The following ZNF407 variants were observed in gnomAD, a reference collection of about 807,000 sequenced individuals.
The protein encoded by ZNF407 is zinc finger protein 407.
A neutral mutation model predicts 131.2 loss-of-function variants in ZNF407; 17 were observed. The observed-to-expected ratio is 0.13, with a 90% CI of 0.09 to 0.19. ZNF407 has a LOEUF of 0.19. Among genes scored for constraint, ZNF407 ranks in the 10% least tolerant of loss-of-function variants. The probability of loss-of-function intolerance (pLI) is 1.00; values close to 1 mark genes in which losing one functional copy is unlikely to be tolerated. For synonymous variants in ZNF407, 1,156 were observed against 1,062.0 expected, an observed-to-expected ratio of 1.09 and a Z score of -1.72; for missense variants, 2,681 against 2,830.6, an observed-to-expected ratio of 0.95 and a Z score of 1.20.
intron 8 of ZNF407, among the ~76,000 whole-genome samples, chr18:75,052,474 TC>T (rs1172692132): frequency 6.6e-6 from 1 of 152,182 alleles, no homozygotes; most frequent in African/African-American, 2.4e-5. Flanking sequence ...TCCTCCCATG[TC>T]CCTTGAAGAT....
chr18:74,656,279 C>T (rs185221718), intron 3 of ZNF407, among the ~76,000 whole-genome samples: 79 of 152,136 alleles, frequency 5.2e-4, no homozygotes, highest in Non-Finnish European at 9.1e-4. Flanking sequence ...TTTTCTAAGA[C>T]ACTAACATAT....
chr18:74,834,282 A>G (rs1970525422), intron 4 of ZNF407, among the ~76,000 whole-genome samples: 1 of 152,044 alleles, frequency 6.6e-6, no homozygotes, highest in Admixed American at 6.6e-5. Context: ...AGTTTAGGGG[A>G]AAAAATTGGC....
chr18:74,741,652 G>A (rs1968552914), intron 3 of ZNF407, among the ~76,000 whole-genome samples: 1 of 151,942 alleles, frequency 6.6e-6, no homozygotes, highest in Admixed American at 6.6e-5. Context: ...TTCTCTTTCA[G>A]TATATATATA....
chr18:74,652,116 C>CT (rs1211001995), intron 3 of ZNF407, among the ~76,000 whole-genome samples: 1 of 152,044 alleles, frequency 6.6e-6, no homozygotes, highest in East Asian at 1.9e-4. Context: ...TATAGTCCCC[C>CT]TTTTTTCTAC....
At chr18:74,720,294 G>C (rs544642247) in intron 3 of ZNF407, among the ~76,000 whole-genome samples, 6 of 151,344 alleles carry the variant, frequency 4.0e-5, no homozygotes, top group Non-Finnish European at 7.4e-5. Flanking sequence ...TCTTATATTT[G>C]GTGGCCATTC....
chr18:74,806,605 TAA>T (rs1970113816), intron 4 of ZNF407, among the ~76,000 whole-genome samples: 1 of 152,150 alleles, frequency 6.6e-6, no homozygotes, highest in Admixed American at 6.5e-5. Flanking sequence ...GTAAGGGAAA[TAA>T]AATGACAACA....
chr18:74,978,754 A>G (rs1414612686), intron 8 of ZNF407, among the ~76,000 whole-genome samples: 8 of 152,110 alleles, frequency 5.3e-5, no homozygotes, highest in African/African-American at 1.9e-4. Context: ...ATTGAAGATG[A>G]AAAACTTAAG....
At chr18:74,871,320 AATT>A (rs1169018833) in intron 4 of ZNF407, among the ~76,000 whole-genome samples, 1 of 152,158 alleles carries the variant, frequency 6.6e-6, no homozygotes, top group African/African-American at 2.4e-5. Context: ...ATAATTATTA[AATT>A]ATTATCTTGA....
At chr18:75,058,025 A>G (rs1307114599) in intron 8 of ZNF407, among the ~76,000 whole-genome samples, 1 of 152,218 alleles carries the variant, frequency 6.6e-6, no homozygotes, top group Non-Finnish European at 1.5e-5. Flanking sequence ...AAGGAGCAGC[A>G]CACACACAGA....
chr18:75,043,081 T>C (rs1973392363), intron 8 of ZNF407, among the ~76,000 whole-genome samples: 1 of 152,132 alleles, frequency 6.6e-6, no homozygotes, highest in Non-Finnish European at 1.5e-5. Flanking sequence ...TGGTGAGAAA[T>C]TGCCAACAAA....
intron 3 of ZNF407, among the ~76,000 whole-genome samples, chr18:74,669,053 C>A (rs981560622): frequency 5.3e-5 from 8 of 152,114 alleles, no homozygotes; most frequent in African/African-American, 1.9e-4. Context: ...TGAGGAGCCC[C>A]GTCATCACTG....
At chr18:74,753,369 A>G (rs1244981142) in intron 3 of ZNF407, among the ~76,000 whole-genome samples, 2 of 152,104 alleles carry the variant, frequency 1.3e-5, no homozygotes, top group African/African-American at 2.4e-5. Context: ...CTGCCTGACT[A>G]CCCTGGCCAG....
intron 7 of ZNF407, among the ~76,000 whole-genome samples, chr18:74,916,874 A>G (rs1373124227): frequency 6.6e-6 from 1 of 152,088 alleles, no homozygotes; most frequent in African/African-American, 2.4e-5. Flanking sequence ...AGCATGTGAT[A>G]ATTAGCAGTA....
intron 3 of ZNF407, among the ~76,000 whole-genome samples, chr18:74,719,577 T>C (rs917397822): frequency 4.6e-5 from 7 of 152,162 alleles, no homozygotes; most frequent in Non-Finnish European, 1.5e-5. Context: ...TTTTTTTTTG[T>C]ATTTTTTAGT....
intron 4 of ZNF407, among the ~76,000 whole-genome samples, chr18:74,818,357 G>T (rs755515125): frequency 4.6e-5 from 7 of 152,162 alleles, no homozygotes; most frequent in Non-Finnish European, 7.3e-5. Flanking sequence ...TGGACATGTG[G>T]ATAATTAGGT....
chr18:74,980,738 TAAG>T (rs1234929510), intron 8 of ZNF407, among the ~76,000 whole-genome samples: 1 of 152,172 alleles, frequency 6.6e-6, no homozygotes, highest in Non-Finnish European at 1.5e-5. Flanking sequence ...TTTTTTTACA[TAAG>T]AATATGTTGC....
In ZNF407 at chr18:74,672,420, G is replaced by C. The variant is rs532309183; in HGVS notation, c.4802+31298G>C. On this transcript the variant is annotated intron_variant, in intron 3 of 8. Transcript: ENST00000299687. ...AGCAGTGTTTGTTTGTTGGAGCACT[G>C]TTTGTCCGTTGGAGCACTGTTTGTC... Among the ~76,000 whole-genome samples, 6 of 152,170 alleles carry C rather than the reference G, an allele frequency of 3.9e-5. No individual in the cohort carries two copies. The South Asian group carries it at 8.3e-4, about 21-fold the overall frequency.
chr18:74,855,430 A>G (rs866368140), intron 4 of ZNF407, among the ~76,000 whole-genome samples: 34 of 152,356 alleles, frequency 2.2e-4, no homozygotes, highest in African/African-American at 8.2e-4. Flanking sequence ...TAACAGTAAT[A>G]ATCACAAAAG....
intron 1 of ZNF407, among the ~76,000 whole-genome samples, chr18:74,614,472 A>G (rs1983196694): frequency 1.3e-5 from 2 of 152,118 alleles, no homozygotes; most frequent in Admixed American, 1.3e-4. Context: ...TTCCTGATTC[A>G]CTTATCACTT....
Sources: gnomAD v4.1 joint callset for allele counts (sites outside exome capture counted in the v4.1 genomes callset) on GRCh38, gnomAD v4.1.1 for gene constraint, MANE v1.5 for transcripts, NCBI Gene and HGNC (gene_info 2026-07-23, HGNC 2026-07-21) for gene names.